Variants in SNRPN observed in about 807,000 individuals in gnomAD.
SNRPN encodes the protein small nuclear ribonucleoprotein polypeptide N.
Under a neutral mutation model 25.2 loss-of-function variants are expected in SNRPN, and 7 were observed. The observed-to-expected ratio is 0.28, with a 90% confidence interval of 0.16 to 0.52. The LOEUF (loss-of-function observed/expected upper bound fraction) is 0.52. Among genes scored for constraint, SNRPN ranks in the 20% least tolerant of loss-of-function variants. SNRPN has a pLI of 0.96. For synonymous variants in SNRPN, 124 were observed against 110.6 expected, an observed-to-expected ratio of 1.12 and a Z score of -0.76; for missense variants, 196 against 322.5, an observed-to-expected ratio of 0.61 and a Z score of 3.00.
rs1259579855 is a variant in SNRPN, at chr15:24,837,910, A to C, written c.-579+8005A>C. ...GCTAATTTTTGTATTTTTAGTAGAG[A>C]CAGGGTTTCACCATGTTTGCCAGGC... On this transcript the variant is annotated intron_variant, in intron 2 of 12. Transcript: ENST00000400100. Among the ~76,000 whole-genome samples the C allele has an allele frequency of 4.0e-5, 6 of 151,138 alleles. No homozygotes were observed. The East Asian group carries it at 1.2e-3, about 30-fold the overall frequency.
At chr15:24,864,846 A>C (rs1430720336) in intron 1 of SNRPN, among the ~76,000 whole-genome samples, 1 of 152,088 alleles carries the variant, frequency 6.6e-6, no homozygotes, top group Admixed American at 6.6e-5. Flanking sequence ...GAAGTTTACC[A>C]GTTATGTGCC....
At chr15:24,858,838 G>A (rs997746196) in intron 1 of SNRPN, among the ~76,000 whole-genome samples, 3 of 151,936 alleles carry the variant, frequency 2.0e-5, no homozygotes, top group Non-Finnish European at 2.9e-5. Context: ...CTGATCAATC[G>A]TTTATTCTTT....
intron 2 of SNRPN, among the ~76,000 whole-genome samples, chr15:24,915,870 T>G (rs1404790665): frequency 6.6e-6 from 1 of 152,006 alleles, no homozygotes. Flanking sequence ...AATTTAGGAA[T>G]GATATTCAGC....
chr15:24,956,807 G>A (rs544023069), intron 1 of SNRPN, among the ~76,000 whole-genome samples: 1 of 152,246 alleles, frequency 6.6e-6, no homozygotes, highest in Non-Finnish European at 1.5e-5. Context: ...GTGGCTAGAG[G>A]CCAGGCATTT....
At chr15:24,852,570 C>T (rs981055930), upstream of SNRPN, among the ~76,000 whole-genome samples, 2 of 152,150 alleles carry the variant, frequency 1.3e-5, no homozygotes, top group Non-Finnish European at 2.9e-5. Flanking sequence ...GTAAATTAAA[C>T]ATATTTTTCC....
intron 2 of SNRPN, among the ~76,000 whole-genome samples, chr15:24,918,511 A>T (rs1227639092): frequency 2.3e-4 from 26 of 112,784 alleles, no homozygotes; most frequent in South Asian, 5.8e-4. Flanking sequence ...TATATAACAT[A>T]ATATATATAT....
intron 3 of SNRPN, among the ~76,000 whole-genome samples, chr15:24,939,174 A>G (rs1277668446): frequency 1.3e-5 from 2 of 152,186 alleles, no homozygotes; most frequent in Non-Finnish European, 2.9e-5. Context: ...TAGTGGCTGT[A>G]AAAATTTTCC....
chr15:24,855,617 C>T (rs58411666), upstream of SNRPN, among the ~76,000 whole-genome samples: 4,237 of 151,860 alleles, frequency 0.028, 179 homozygotes, highest in African/African-American at 0.096. Flanking sequence ...TGGCAAAATA[C>T]CGTCTCTACT....
chr15:24,848,225 C>CGGCGGCGGGGGCGGGGGCGGCGGCGGG (rs2052393197), intron 2 of SNRPN: 1 of 33,236 alleles, frequency 3.0e-5, no homozygotes, highest in Non-Finnish European at 5.9e-5. Context: ...GGGGCGGGGG[C>CGGCGGCGGGGGCGGGGGCGGCGGCGGG]GGCGGTGGGG....
chr15:24,958,253 CTTTG>C (rs897702709), intron 1 of SNRPN, among the ~76,000 whole-genome samples: 6 of 152,062 alleles, frequency 3.9e-5, no homozygotes, highest in East Asian at 3.8e-4. Context: ...AGATAACCTC[CTTTG>C]TTTATCAGCG....
At chr15:24,853,821 C>G (rs1367073283), upstream of SNRPN, among the ~76,000 whole-genome samples, 2 of 152,158 alleles carry the variant, frequency 1.3e-5, no homozygotes, top group Admixed American at 6.5e-5. Flanking sequence ...TACTTCTTAT[C>G]AGATTCTTCC....
intron 1 of SNRPN, among the ~76,000 whole-genome samples, chr15:24,861,935 C>T (rs763770887): frequency 6.6e-6 from 1 of 151,542 alleles, no homozygotes; most frequent in Non-Finnish European, 1.5e-5. Flanking sequence ...ATATCTTAAT[C>T]GCACTGTGTG....
chr15:24,926,519 T>C (rs546013442), intron 3 of SNRPN, among the ~76,000 whole-genome samples: 60 of 152,302 alleles, frequency 3.9e-4, no homozygotes, highest in South Asian at 3.1e-3. Context: ...TTCACCATGC[T>C]GTTATATTCC....
At chr15:24,909,715 C>G in intron 2 of SNRPN, 2 of 1,242,038 alleles carry the variant, frequency 1.6e-6, no homozygotes, top group South Asian at 1.2e-5. Flanking sequence ...CCTGTATCAC[C>G]AAGCGTTTCC....
At chr15:24,827,932 T>C (rs1264658253) in intron 1 of SNRPN, among the ~76,000 whole-genome samples, 1 of 149,158 alleles carries the variant, frequency 6.7e-6, no homozygotes, top group Non-Finnish European at 1.5e-5. Flanking sequence ...CAAGATAAGA[T>C]AAATTTTCAA....
At chr15:24,964,830 G>A (rs1419678211) in intron 2 of SNRPN, among the ~76,000 whole-genome samples, 1 of 152,134 alleles carries the variant, frequency 6.6e-6, no homozygotes, top group East Asian at 1.9e-4. Context: ...TCATCTTGTT[G>A]TGGGATGACG....
chr15:24,846,179 G>A (rs2052180097), intron 2 of SNRPN, among the ~76,000 whole-genome samples: 4 of 151,858 alleles, frequency 2.6e-5, no homozygotes, highest in Admixed American at 2.6e-4. Context: ...ATATCAATCT[G>A]ATCAGCATTT....
intron 3 of SNRPN, among the ~76,000 whole-genome samples, chr15:24,926,664 T>G (rs1323013760): frequency 6.6e-6 from 1 of 152,126 alleles, no homozygotes; most frequent in African/African-American, 2.4e-5. Context: ...CCATGCTATT[T>G]TATTTTAAAT....
intron 2 of SNRPN, among the ~76,000 whole-genome samples, chr15:24,840,851 T>C (rs984787046): frequency 2.6e-5 from 4 of 152,052 alleles, no homozygotes; most frequent in Admixed American, 6.6e-5. Flanking sequence ...GGTTGTCACT[T>C]TTTTCTTTTT....
Sources: gnomAD v4.1 joint callset for allele counts (sites outside exome capture counted in the v4.1 genomes callset) on GRCh38, gnomAD v4.1.1 for gene constraint, MANE v1.5 for transcripts, NCBI Gene and HGNC (gene_info 2026-07-23, HGNC 2026-07-21) for gene names.